Variants in PAPPA2 observed in about 807,000 individuals in gnomAD.
PAPPA2 encodes pappalysin 2.
In PAPPA2, 86 loss-of-function variants were observed where a neutral mutation model predicts 176.4. The observed-to-expected ratio is 0.49, with a 90% CI of 0.41 to 0.58. The LOEUF (loss-of-function observed/expected upper bound fraction) is 0.58. Among genes scored for constraint, PAPPA2 ranks in the 20% least tolerant of loss-of-function variants. The probability of loss-of-function intolerance (pLI) is 0.00; values close to 1 mark genes in which losing one functional copy is unlikely to be tolerated. For synonymous variants in PAPPA2, 809 were observed against 852.2 expected (o/e 0.95, Z 0.88); for missense variants, 2,073 against 2,256.9 (o/e 0.92, Z 1.65).
chr1:176,479,467 G>A (rs1305984318), intron 1 of PAPPA2, among the ~76,000 whole-genome samples: 1 of 152,116 alleles, frequency 6.6e-6, no homozygotes, highest in Non-Finnish European at 1.5e-5. Context: ...AGGCTAGCAG[G>A]CAAGCATCCC....
intron 21 of PAPPA2, among the ~76,000 whole-genome samples, chr1:176,806,927 A>C (rs1200010611): frequency 6.6e-6 from 1 of 152,072 alleles, no homozygotes; most frequent in Non-Finnish European, 1.5e-5. Flanking sequence ...TCAACTTCTT[A>C]TTCATTGGAT....
At chr1:176,735,680 CT>C (rs1662367683) in intron 12 of PAPPA2, among the ~76,000 whole-genome samples, 2 of 1,324 alleles carry the variant, frequency 1.5e-3, no homozygotes, top group African/African-American at 4.5e-3. Flanking sequence ...CTCTCAGAAT[CT>C]ATCTATCTAT....
intron 2 of PAPPA2, among the ~76,000 whole-genome samples, chr1:176,569,633 C>A (rs532626634): frequency 1.4e-4 from 22 of 152,198 alleles, no homozygotes; most frequent in Non-Finnish European, 2.5e-4. Context: ...TTCCACTGCC[C>A]AGTCATTTCT....
intron 12 of PAPPA2, among the ~76,000 whole-genome samples, chr1:176,726,715 A>T (rs952641824): frequency 6.6e-6 from 1 of 152,280 alleles, no homozygotes; most frequent in Admixed American, 6.5e-5. Flanking sequence ...AGAATTTGTG[A>T]TTATCTTTGT....
At chr1:176,694,385 T>C (rs1660262959) in intron 6 of PAPPA2, among the ~76,000 whole-genome samples, 1 of 152,252 alleles carries the variant, frequency 6.6e-6, no homozygotes, top group Admixed American at 6.5e-5. Context: ...TTAACCTCTC[T>C]GAGCCTGAGT....
chr1:176,772,906 AT>A (rs1396499844), intron 17 of PAPPA2, among the ~76,000 whole-genome samples: 1 of 152,026 alleles, frequency 6.6e-6, no homozygotes, highest in Non-Finnish European at 1.5e-5. Context: ...CACCTCAGAT[AT>A]CTGCAGAATA....
chr1:176,530,543 T>C (rs1649752850), intron 1 of PAPPA2, among the ~76,000 whole-genome samples: 1 of 152,152 alleles, frequency 6.6e-6, no homozygotes, highest in African/African-American at 2.4e-5. Flanking sequence ...TTAGGTCTTG[T>C]TAAATCAAAA....
intron 3 of PAPPA2, among the ~76,000 whole-genome samples, chr1:176,623,637 TTCTTTC>T (rs1655755368): frequency 8.6e-6 from 1 of 116,548 alleles, no homozygotes; most frequent in Non-Finnish European, 1.8e-5. Flanking sequence ...TTTACTTTCT[TTCTTTC>T]TTTCTTTCTT....
At chr1:176,793,428 C>G (rs183050770) in intron 19 of PAPPA2, 132 bp from the exon 20 acceptor site, 1 of 721,260 alleles carries the variant, frequency 1.4e-6, no homozygotes, top group Non-Finnish European at 2.4e-6. Context: ...TCAGCCCTGC[C>G]TACAACGTCA....
intron 14 of PAPPA2, among the ~76,000 whole-genome samples, chr1:176,746,435 G>A (rs1454681708): frequency 6.6e-5 from 10 of 152,004 alleles, no homozygotes; most frequent in Admixed American, 6.6e-4. Flanking sequence ...AGACAGGAGT[G>A]TCGCTCTGTT....
chr1:176,604,951 T>C lies in PAPPA2; in HGVS notation c.1991+9356T>C, dbSNP rs111549622. Among the ~76,000 whole-genome samples the C allele has an allele frequency of 3.7e-3, 564 of 152,310 alleles. 4 individuals carry two copies. Among genetic ancestry groups the C allele is most frequent in the African/African-American group, 0.013 (527 of 41,568 alleles). ...ACTACACTATAGTAAACTTTTCTAC[T>C]GGTCTCATTGCTATGGTAGCGTTGC... On this transcript the variant is annotated intron_variant, in intron 3 of 22. Transcript: ENST00000367662.
chr1:176,492,027 A>G (rs1647317807), intron 1 of PAPPA2, among the ~76,000 whole-genome samples: 1 of 152,222 alleles, frequency 6.6e-6, no homozygotes, highest in African/African-American at 2.4e-5. Context: ...ATGCTCCTGA[A>G]CATCAAGCAT....
chr1:176,657,671 C>A (rs1402417470), intron 3 of PAPPA2, among the ~76,000 whole-genome samples: 4 of 151,838 alleles, frequency 2.6e-5, no homozygotes, highest in Admixed American at 2.0e-4. Context: ...ACAGCTCAGG[C>A]AGTGTGAAAC....
At chr1:176,587,617 G>C (rs1653394994) in intron 2 of PAPPA2, among the ~76,000 whole-genome samples, 1 of 152,156 alleles carries the variant, frequency 6.6e-6, no homozygotes, top group Non-Finnish European at 1.5e-5. Context: ...TGTGATTTCT[G>C]AGGTCTCTGT....
At chr1:176,794,749 C>T (rs537026874) in intron 20 of PAPPA2, among the ~76,000 whole-genome samples, 1 of 151,680 alleles carries the variant, frequency 6.6e-6, no homozygotes, top group South Asian at 2.1e-4. Context: ...TTAGATGTGT[C>T]AAGGGCATGC....
intron 1 of PAPPA2, among the ~76,000 whole-genome samples, chr1:176,523,160 T>C (rs2102540627): frequency 6.6e-6 from 1 of 152,292 alleles, no homozygotes; most frequent in African/African-American, 2.4e-5. Context: ...TGGTGAGCTA[T>C]TGAGTAGGCT....
chr1:176,737,385 C>G (rs907183498), intron 12 of PAPPA2, among the ~76,000 whole-genome samples: 3 of 152,014 alleles, frequency 2.0e-5, no homozygotes, highest in African/African-American at 7.2e-5. Flanking sequence ...CATGCAGATT[C>G]AGGCTGGTTT....
intron 3 of PAPPA2, among the ~76,000 whole-genome samples, chr1:176,619,849 G>T (rs1655483222): frequency 6.6e-6 from 1 of 150,628 alleles, no homozygotes; most frequent in African/African-American, 2.4e-5. Flanking sequence ...GACCAGTAGT[G>T]ACTTAAAGTA....
At chr1:176,524,760 A>G (rs1251067012) in intron 1 of PAPPA2, among the ~76,000 whole-genome samples, 1 of 152,194 alleles carries the variant, frequency 6.6e-6, no homozygotes, top group Non-Finnish European at 1.5e-5. Context: ...GCGGTGGCTT[A>G]CGCCTGTAAT....
Sources: gnomAD v4.1 joint callset for allele counts (sites outside exome capture counted in the v4.1 genomes callset) on GRCh38, gnomAD v4.1.1 for gene constraint, MANE v1.5 for transcripts, NCBI Gene and HGNC (gene_info 2026-07-23, HGNC 2026-07-21) for gene names.